Variants in MIR2052HG observed in about 807,000 individuals in gnomAD.
MIR2052HG encodes the protein MIR2052 host gene.
intron 2 of MIR2052HG, among the ~76,000 whole-genome samples, chr8:74,669,805 G>A (rs1425203766): frequency 6.6e-6 from 1 of 152,066 alleles, no homozygotes; most frequent in African/African-American, 2.4e-5. Flanking sequence ...AGGTCATCCT[G>A]ACCACCTAGT....
chr8:74,630,131 G>A (rs765146923), intron 2 of MIR2052HG, among the ~76,000 whole-genome samples: 14 of 152,192 alleles, frequency 9.2e-5, no homozygotes, highest in South Asian at 2.1e-4. Flanking sequence ...AAGTGAAAAT[G>A]TGCTGGTTGT....
chr8:74,642,479 A>C (rs564872207), intron 2 of MIR2052HG, among the ~76,000 whole-genome samples: 1 of 152,280 alleles, frequency 6.6e-6, no homozygotes, highest in Admixed American at 6.5e-5. Flanking sequence ...GCTTCCCAAC[A>C]ACTCTGATAA....
intron 1 of MIR2052HG, among the ~76,000 whole-genome samples, chr8:74,602,817 G>GTGTGTTTCTTTCTTTC (rs1808022626): frequency 1.4e-5 from 1 of 73,784 alleles, no homozygotes; most frequent in African/African-American, 6.3e-5. Flanking sequence ...GCCCGGCCGT[G>GTGTGTTTCTTTCTTTC]TTTCTTTCTT....
chr8:74,716,839 G>C (rs1421637897), intron 4 of MIR2052HG, among the ~76,000 whole-genome samples: 3 of 151,990 alleles, frequency 2.0e-5, no homozygotes, highest in Admixed American at 6.6e-5. Flanking sequence ...ACTTATTTTG[G>C]ATTATTTTAT....
In MIR2052HG at chr8:74,715,894, G is replaced by T. The variant is rs188951216; in HGVS notation, n.371+12212G>T. Among the ~76,000 whole-genome samples the T allele has an allele frequency of 1.3e-5, 2 of 152,270 alleles. 1 individual carries two copies. Among genetic ancestry groups the T allele is most frequent in the Admixed American group, 1.3e-4 (2 of 15,282 alleles). The stretch of plus-strand genomic sequence containing the variant: ...ACTTCTTCCACTAAGTTTCTGTGGG[G>T]TTCAAATTAGAAAATGTATGCAAAA... On this transcript the variant is annotated intron_variant and non_coding_transcript_variant, in intron 4 of 6. Transcript: ENST00000523442.
chr8:74,632,946 G>T (rs984039160), intron 2 of MIR2052HG, among the ~76,000 whole-genome samples: 1 of 152,056 alleles, frequency 6.6e-6, no homozygotes, highest in Non-Finnish European at 1.5e-5. Context: ...CACTAGTCTG[G>T]TTCAACCTTC....
chr8:74,680,452 A>G (rs1472239583), intron 2 of MIR2052HG, among the ~76,000 whole-genome samples: 1 of 152,206 alleles, frequency 6.6e-6, no homozygotes, highest in Non-Finnish European at 1.5e-5. Context: ...GCCAAAAAAC[A>G]CATGAAAAAA....
intron 5 of MIR2052HG, among the ~76,000 whole-genome samples, chr8:74,755,217 AT>A: frequency 6.6e-6 from 1 of 152,304 alleles, no homozygotes; most frequent in South Asian, 2.1e-4. Context: ...ATTCAACACA[AT>A]TTTATTTTGG....
chr8:74,740,643 A>G (rs758084100), intron 4 of MIR2052HG, among the ~76,000 whole-genome samples: 2 of 152,174 alleles, frequency 1.3e-5, no homozygotes, highest in Non-Finnish European at 2.9e-5. Flanking sequence ...TAAATAAAAT[A>G]CAGTTATTAA....
chr8:74,739,688 T>C (rs1809806372), intron 4 of MIR2052HG, among the ~76,000 whole-genome samples: 1 of 152,146 alleles, frequency 6.6e-6, no homozygotes, highest in Non-Finnish European at 1.5e-5. Context: ...AAGGAATACA[T>C]ATGTGGGTTA....
intron 4 of MIR2052HG, among the ~76,000 whole-genome samples, chr8:74,749,007 C>T (rs1809915568): frequency 6.6e-6 from 1 of 152,066 alleles, no homozygotes; most frequent in African/African-American, 2.4e-5. Context: ...ATTTTTAAAA[C>T]TTTGCATGCC....
At chr8:74,672,821 A>T (rs1480360206) in intron 2 of MIR2052HG, among the ~76,000 whole-genome samples, 4 of 152,106 alleles carry the variant, frequency 2.6e-5, no homozygotes, top group Non-Finnish European at 1.5e-5. Context: ...ATATCTGCTG[A>T]TAAGTATTTC....
chr8:74,659,344 A>G (rs1808838031), intron 2 of MIR2052HG, among the ~76,000 whole-genome samples: 1 of 152,214 alleles, frequency 6.6e-6, no homozygotes, highest in Admixed American at 6.5e-5. Context: ...AAAATTTCTC[A>G]TGTTTTGTGT....
intron 2 of MIR2052HG, among the ~76,000 whole-genome samples, chr8:74,664,648 G>C (rs1009967807): frequency 2.0e-5 from 3 of 152,062 alleles, no homozygotes; most frequent in African/African-American, 7.2e-5. Flanking sequence ...CTCCTGAGTA[G>C]CTGGGATTAC....
intron 2 of MIR2052HG, among the ~76,000 whole-genome samples, chr8:74,625,733 A>G (rs899808225): frequency 1.3e-5 from 2 of 152,216 alleles, no homozygotes; most frequent in Non-Finnish European, 2.9e-5. Context: ...TTGAAATTAT[A>G]TTTTGTATTT....
At chr8:74,602,869 CTTTCTTTT>C (rs1258554561) in intron 1 of MIR2052HG, among the ~76,000 whole-genome samples, 2 of 147,480 alleles carry the variant, frequency 1.4e-5, no homozygotes, top group Non-Finnish European at 3.0e-5. Flanking sequence ...TTCTTTCTTT[CTTTCTTTT>C]TTCTATTCAC....
chr8:74,672,791 C>G (rs927089472), intron 2 of MIR2052HG, among the ~76,000 whole-genome samples: 19 of 152,060 alleles, frequency 1.2e-4, no homozygotes, highest in African/African-American at 4.1e-4. Context: ...CTGCTGAATT[C>G]TGCTGATATT....
In MIR2052HG at chr8:74,698,305, T is replaced by C. The variant is rs554761696; in HGVS notation, n.217-4074T>C. 2.0e-3 allele frequency among the ~76,000 whole-genome samples: 309 copies of C among 152,276 alleles called. 1 individual carries two copies. Among genetic ancestry groups the C allele is most frequent in the African/African-American group, 6.9e-3 (287 of 41,562 alleles). ...GTGCTGGGATAATTGGCTAGCCGCATGTAGGAGAATGAAACTGGATCCTCA... is the reference window on the plus strand; with the variant it reads ...GTGCTGGGATAATTGGCTAGCCGCACGTAGGAGAATGAAACTGGATCCTCA... On this transcript the variant is annotated intron_variant and non_coding_transcript_variant, in intron 2 of 6. Transcript: ENST00000523442.
At chr8:74,703,741 G>A in intron 4 of MIR2052HG, 1 of 423,738 alleles carries the variant, frequency 2.4e-6, no homozygotes. Flanking sequence ...AAAGTCAAGT[G>A]ATCTCTTTTG....
Sources: allele counts gnomAD v4.1 joint callset (sites outside exome capture counted in the v4.1 genomes callset), GRCh38; gene constraint gnomAD v4.1.1; transcripts MANE v1.5; gene names NCBI Gene and HGNC (gene_info 2026-07-23, HGNC 2026-07-21).